NSD2: variants seen among roughly 807,000 people sequenced by gnomAD.
The protein encoded by NSD2 is histone-lysine N-methyltransferase NSD2.
Under a neutral mutation model 139.0 loss-of-function variants are expected in NSD2, and 12 were observed. The ratio of observed to expected loss-of-function variants is 0.09; its 90% CI spans 0.06 to 0.14. The LOEUF (loss-of-function observed/expected upper bound fraction) is 0.14, where lower values mean the gene tolerates loss of function less well. Ranked by LOEUF, NSD2 falls within the 10% of genes least tolerant of loss-of-function variation. The pLI is 1.00. For missense variants in NSD2, 1,155 were observed against 1,745.0 expected, an observed-to-expected ratio of 0.66 and a Z score of 6.02; for synonymous variants, 669 against 648.7, an observed-to-expected ratio of 1.03 and a Z score of -0.48.
rs1186086443 is a variant in NSD2 at position 1,980,181 on chromosome 4, C to G, written c.*1272C>G. 8.6e-6 allele frequency: 2 copies of G among 233,230 alleles called. No individual in the cohort carries two copies. Among genetic ancestry groups the G allele is most frequent in the African/African-American group, 2.2e-5 (1 of 45,370 alleles). 14.4% of individuals were successfully genotyped at this position (233,230 alleles called of 1,614,324 possible). A position where few individuals can be genotyped will look rare whatever the true frequency, so the allele number is the denominator to read the frequency against. The stretch of plus-strand genomic sequence containing the variant: ...CTAGGCCAGGTATGACACCCACTCT[C>G]CTGTGAGATTTCACTTTAGTTTTTA... On this transcript the variant is annotated 3_prime_UTR_variant, in exon 22 of 22. Coordinates refer to ENST00000508803, the MANE Select transcript of NSD2 (RefSeq NM_001042424.3).
At chr4:1,977,702 G>C (rs769003528) in intron 21 of NSD2, among the ~76,000 whole-genome samples, 19 of 152,036 alleles carry the variant, frequency 1.2e-4, no homozygotes, top group Non-Finnish European at 2.2e-4. Flanking sequence ...CTTGAACCCG[G>C]GAGGCGGAGG....
In NSD2 at chr4:1,951,443, TACACACACACACAC is replaced by T. The variant is rs71167763; in HGVS notation, c.2013+308_2013+321del. Among the ~76,000 whole-genome samples, 292 of 100,964 alleles carry T rather than the reference TACACACACACACAC, an allele frequency of 2.9e-3. 5 individuals carry two copies. Among genetic ancestry groups the T allele is most frequent in the African/African-American group, 8.3e-3 (209 of 25,124 alleles). 66.2% of individuals were successfully genotyped at this position (100,964 alleles called of 152,430 possible). A position where few individuals can be genotyped will look rare whatever the true frequency, so the allele number is the denominator to read the frequency against. ...TGAGATTTGTATACACATCATGTAATACACACACACACACACACACACACACACACACACACACA... is the reference window on the plus strand; with the variant it reads ...TGAGATTTGTATACACATCATGTAATACACACACACACACACACACACACA... On this transcript the variant is annotated intron_variant, in intron 10 of 21. Transcript: ENST00000508803.
At position 1,894,518 on chromosome 4, in the gene NSD2, C is replaced by T. The variant is rs1460393914; in HGVS notation, c.-29-6108C>T. The stretch of plus-strand genomic sequence containing the variant: ...TGAAACCCCGTCTCTACAAAAAATA[C>T]AAAAATTAGCCAGTGTGGTGGTGCA... On this transcript the variant is annotated intron_variant, in intron 1 of 21. Coordinates refer to ENST00000508803, the MANE Select transcript of NSD2 (RefSeq NM_001042424.3). Among the ~76,000 whole-genome samples the T allele has an allele frequency of 4.6e-5, 7 of 151,792 alleles. No individual in the cohort carries two copies. In the East Asian group the frequency reaches 9.7e-4, roughly 21 times the overall value.
Position 1,956,278 on chromosome 4 carries a change from A to G in NSD2, c.2881+90A>G. 1 of 1,172,458 alleles carries G rather than the reference A, an allele frequency of 8.5e-7. No individual in the cohort carries two copies. The highest frequency in any genetic ancestry group is 1.2e-6 in the Non-Finnish European group (1 of 849,722). The allele number at this position is 1,172,458 out of a possible 1,614,324, so 72.6% of individuals were successfully genotyped here. A position where few individuals can be genotyped will look rare whatever the true frequency, so the allele number is the denominator to read the frequency against. The stretch of plus-strand genomic sequence containing the variant: ...ATTTTTTAAAATTTGATCTTTATAG[A>G]AAATACTGGACTAAGCATTCAATCT... On this transcript the variant is annotated intron_variant, in intron 15 of 21. Transcript: ENST00000508803. This position sits in a 1 kb window ranked among gnomAD's most constrained non-coding sequence, Gnocchi z 5.3.
chr4:1,969,505 A>C (rs931213961), intron 18 of NSD2, among the ~76,000 whole-genome samples: 1 of 151,742 alleles, frequency 6.6e-6, no homozygotes, highest in Non-Finnish European at 1.5e-5. Context: ...GGAGTTTGAG[A>C]CCAGCCTGGG....
intron 5 of NSD2, chr4:1,919,185 AAAAC>A (rs1719805814): frequency 6.6e-6 from 1 of 152,160 alleles, no homozygotes; most frequent in Non-Finnish European, 1.5e-5. Context: ...AAAAAAAAAA[AAAAC>A]TAGCACAGAG....
chr4:1,878,753 G>A (rs906927743), intron 1 of NSD2, among the ~76,000 whole-genome samples: 3 of 152,176 alleles, frequency 2.0e-5, no homozygotes, highest in Admixed American at 2.0e-4. Context: ...AGGGCCATGG[G>A]CTGGTGGCAG....
rs1727768217 is a variant in NSD2, at chr4:1,981,588, G to C, written c.*2679G>C. 1.4e-5 allele frequency: 5 copies of C among 357,742 alleles called. No individual in the cohort carries two copies. The highest frequency in any genetic ancestry group is 2.5e-5 in the Non-Finnish European group (5 of 200,450). 22.2% of individuals were successfully genotyped at this position (357,742 alleles called of 1,614,324 possible). ...GGCAGCTTAAAATGTGGTCACCTGT[G>C]GGGGAAACTCTTCAGGCACCTGAAG... On this transcript the variant is annotated 3_prime_UTR_variant, in exon 22 of 22. Coordinates refer to ENST00000508803, the MANE Select transcript of NSD2 (RefSeq NM_001042424.3).
intron 5 of NSD2, among the ~76,000 whole-genome samples, chr4:1,924,811 T>C (rs10009780): frequency 0.063 from 9,577 of 151,894 alleles, 1,040 homozygotes; most frequent in African/African-American, 0.22. Context: ...CTTGTAGTCT[T>C]AGTTACTCAG....
chr4:1,955,042 C>G lies in NSD2; in HGVS notation c.2339-119C>G, dbSNP rs1234132741. 5 of 1,115,124 alleles carry G rather than the reference C, an allele frequency of 4.5e-6. No individual in the cohort carries two copies. Among genetic ancestry groups the G allele is most frequent in the East Asian group, 5.1e-5 (2 of 39,056 alleles). 69.1% of individuals were successfully genotyped at this position (1,115,124 alleles called of 1,614,324 possible). A position where few individuals can be genotyped will look rare whatever the true frequency, so the allele number is the denominator to read the frequency against. On this transcript the variant is annotated intron_variant, in intron 12 of 21. Transcript: ENST00000508803. The surrounding 1 kb of genome is among the most constrained non-coding windows in gnomAD (Gnocchi z 4.7). Reference sequence around the variant, plus strand: ...AAAGCTTTTTTTAAATCAAATACCTCCATTTCATTTTAGCATTAACTTTTC... The same window carrying G: ...AAAGCTTTTTTTAAATCAAATACCTGCATTTCATTTTAGCATTAACTTTTC...
intron 2 of NSD2, among the ~76,000 whole-genome samples, chr4:1,902,996 G>A (rs1282238156): frequency 1.3e-5 from 2 of 152,064 alleles, no homozygotes; most frequent in East Asian, 3.9e-4. Context: ...GCAACATAGC[G>A]AGACCCGGTC....
intron 3 of NSD2, among the ~76,000 whole-genome samples, chr4:1,907,701 C>T (rs1718118718): frequency 6.7e-6 from 1 of 150,212 alleles, no homozygotes; most frequent in African/African-American, 2.5e-5. Flanking sequence ...CAACCTCTGC[C>T]TCCTGGGTTC....
chr4:1,961,190 G>T, intron 18 of NSD2, 39 bp downstream of exon 18: 4 of 1,533,632 alleles, frequency 2.6e-6, no homozygotes, highest in Non-Finnish European at 3.6e-6. Context: ...GCAGTGTGCT[G>T]GACCTGGAGC....
intron 1 of NSD2, among the ~76,000 whole-genome samples, chr4:1,875,738 TA>T (rs796261936): frequency 2.2e-3 from 301 of 137,482 alleles, no homozygotes; most frequent in South Asian, 7.2e-3. Flanking sequence ...CCGTTTCTAC[TA>T]AAAAAAAAAA....
intron 6 of NSD2, among the ~76,000 whole-genome samples, chr4:1,933,278 G>A (rs1721894773): frequency 6.6e-6 from 1 of 152,230 alleles, no homozygotes; most frequent in Non-Finnish European, 1.5e-5. Context: ...TCTGCCTGAG[G>A]CCTTGCTGGA....
At chr4:1,966,016 G>C (rs116839771) in intron 18 of NSD2, among the ~76,000 whole-genome samples, 166 of 152,198 alleles carry the variant, frequency 1.1e-3, no homozygotes, top group Admixed American at 3.4e-3. Flanking sequence ...TTCTCATCAG[G>C]AATTTTGAAG....
chr4:1,976,240 G>C lies in NSD2; in HGVS notation c.3622-235G>C. On this transcript the variant is annotated intron_variant, in intron 20 of 21. Coordinates refer to ENST00000508803, the MANE Select transcript of NSD2 (RefSeq NM_001042424.3). The surrounding 1 kb of genome is among the most constrained non-coding windows in gnomAD (Gnocchi z 5.3). ...TGAGATGCTGCTGAGATGCGTCATT[G>C]CAGGCTTCCGACAAAGCTCACTCTA... The C allele has an allele frequency of 1.8e-6, 1 of 544,302 alleles. No homozygotes were observed. Among genetic ancestry groups the C allele is most frequent in the Non-Finnish European group, 3.3e-6 (1 of 303,634 alleles). 33.7% of individuals were successfully genotyped at this position (544,302 alleles called of 1,614,324 possible).
Position 1,938,416 on chromosome 4 carries a change from CTTTTTTTTTTTTTTTTTTTT to C in NSD2, c.1675-29_1675-10del. 1 of 320,276 alleles carries C rather than the reference CTTTTTTTTTTTTTTTTTTTT, an allele frequency of 3.1e-6. No individual in the cohort carries two copies. The highest frequency in any genetic ancestry group is 4.6e-6 in the Non-Finnish European group (1 of 218,448). The allele number at this position is 320,276 out of a possible 1,614,324, so 19.8% of individuals were successfully genotyped here. Reference sequence around the variant, plus strand: ...TTTTTCTTTTCTTTTTTTTTTCTTTCTTTTTTTTTTTTTTTTTTTTTTTTTAAATAATAGAGAGACACAAT... The same window carrying C: ...TTTTTCTTTTCTTTTTTTTTTCTTTCTTTTTAAATAATAGAGAGACACAAT... On this transcript the variant is annotated splice_polypyrimidine_tract_variant and intron_variant, in intron 7 of 21. Transcript: ENST00000508803.
chr4:1,953,229 TG>T (rs1277268732), intron 11 of NSD2, 94 bp from the exon 12 acceptor site: 1 of 1,604,322 alleles, frequency 6.2e-7, no homozygotes, highest in Non-Finnish European at 8.5e-7. Context: ...TGGCTGCCTC[TG>T]AAGAGGAGTT....
Sources: gnomAD v4.1 joint callset for allele counts (sites outside exome capture counted in the v4.1 genomes callset) on GRCh38, gnomAD v4.1.1 for gene constraint, Gnocchi (gnomAD v3.1) non-coding constraint, MANE v1.5 for transcripts, NCBI Gene and HGNC (gene_info 2026-07-23, HGNC 2026-07-21) for gene names.